The following CNTN4 variants were observed in gnomAD, a reference collection of about 807,000 sequenced individuals.
CNTN4 encodes the protein contactin 4.
Under a neutral mutation model 122.5 loss-of-function variants are expected in CNTN4, and 77 were observed. The ratio of observed to expected loss-of-function variants is 0.63; its 90% CI spans 0.52 to 0.76. The LOEUF (loss-of-function observed/expected upper bound fraction) is 0.76, where lower values mean the gene tolerates loss of function less well. CNTN4 is among the 30% of genes least tolerant of loss of function. The pLI, the probability that CNTN4 is intolerant of heterozygous loss-of-function variation, is 0.00. For synonymous variants in CNTN4, 512 were observed against 447.0 expected (o/e 1.15, Z -1.83); for missense variants, 1,256 against 1,259.1 (o/e 1.00, Z 0.04).
chr3:2,797,054 G>T (rs2092208388), intron 6 of CNTN4, among the ~76,000 whole-genome samples: 1 of 152,146 alleles, frequency 6.6e-6, no homozygotes, highest in Admixed American at 6.5e-5. Flanking sequence ...AGGCTAGAGG[G>T]CAGGGGCATG....
intron 3 of CNTN4, among the ~76,000 whole-genome samples, chr3:2,551,462 G>A (rs944876029): frequency 1.1e-4 from 16 of 152,000 alleles, no homozygotes; most frequent in African/African-American, 1.4e-4. Context: ...GATCAAGACC[G>A]TTTGTGATGG....
chr3:2,106,048 T>G (rs575451938), intron 2 of CNTN4, among the ~76,000 whole-genome samples: 1 of 152,232 alleles, frequency 6.6e-6, no homozygotes, highest in Non-Finnish European at 1.5e-5. Context: ...CGAAATCATC[T>G]TCTTTAACTC....
At chr3:2,567,842 C>A (rs1366178127) in intron 3 of CNTN4, among the ~76,000 whole-genome samples, 1 of 152,112 alleles carries the variant, frequency 6.6e-6, no homozygotes, top group Non-Finnish European at 1.5e-5. Context: ...GAGGAGCTTT[C>A]TTGAAACTCC....
chr3:2,890,996 C>T (rs2094032954), intron 10 of CNTN4, among the ~76,000 whole-genome samples: 1 of 124,100 alleles, frequency 8.1e-6, no homozygotes, highest in South Asian at 2.5e-4. Context: ...ACTTGTTTAA[C>T]AAATTTTTTT....
At chr3:2,345,503 C>T (rs560406810) in intron 3 of CNTN4, among the ~76,000 whole-genome samples, 3 of 152,088 alleles carry the variant, frequency 2.0e-5, no homozygotes. Flanking sequence ...AAGGATTATG[C>T]TATGTTGAAT....
intron 4 of CNTN4, among the ~76,000 whole-genome samples, chr3:2,678,697 A>G (rs927868439): frequency 1.3e-5 from 2 of 152,208 alleles, no homozygotes; most frequent in Non-Finnish European, 2.9e-5. Context: ...AGAATGAAGT[A>G]AAATAGCTCC....
chr3:2,142,499 G>C (rs138798951), intron 2 of CNTN4, among the ~76,000 whole-genome samples: 65 of 152,166 alleles, frequency 4.3e-4, no homozygotes, highest in African/African-American at 1.5e-3. Flanking sequence ...CAATAGCTGG[G>C]ATTACAGGTG....
At chr3:3,042,483 C>A in intron 21 of CNTN4, 61 bp downstream of exon 21, 1 of 1,076,096 alleles carries the variant, frequency 9.3e-7, no homozygotes, top group Non-Finnish European at 1.4e-6. Context: ...ATAAGTCCTC[C>A]AAGTCACATT....
intron 3 of CNTN4, among the ~76,000 whole-genome samples, chr3:2,429,871 AC>A (rs1444096956): frequency 6.6e-6 from 1 of 152,010 alleles, no homozygotes; most frequent in African/African-American, 2.4e-5. Context: ...TGGGCATGGG[AC>A]CCTCCAAGCC....
intron 6 of CNTN4, among the ~76,000 whole-genome samples, chr3:2,803,298 A>G (rs1024598775): frequency 6.6e-6 from 1 of 152,226 alleles, no homozygotes; most frequent in African/African-American, 2.4e-5. Flanking sequence ...AACAACAGGA[A>G]TTCTCATTTA....
chr3:2,268,374 T>C (rs141406563), intron 2 of CNTN4, among the ~76,000 whole-genome samples: 1 of 152,188 alleles, frequency 6.6e-6, no homozygotes, highest in Admixed American at 6.6e-5. Flanking sequence ...TGCGTGTGAC[T>C]TCTCAGGAAT....
chr3:2,192,315 A>G (rs189853420), intron 2 of CNTN4, among the ~76,000 whole-genome samples: 12,814 of 152,130 alleles, frequency 0.084, 738 homozygotes, highest in Non-Finnish European at 0.13. Flanking sequence ...ACTGTCTTCC[A>G]CAATGGTTGA....
intron 4 of CNTN4, among the ~76,000 whole-genome samples, chr3:2,622,573 G>T (rs1387756596): frequency 2.6e-5 from 4 of 152,188 alleles, no homozygotes; most frequent in Non-Finnish European, 5.9e-5. Flanking sequence ...ACCACGCTCA[G>T]CTGGACAAGC....
chr3:2,936,630 T>C (rs1218660251), intron 13 of CNTN4, among the ~76,000 whole-genome samples: 4 of 152,168 alleles, frequency 2.6e-5, no homozygotes, highest in South Asian at 2.1e-4. Context: ...TTTCTTCAAA[T>C]GGCTTCTTCT....
intron 5 of CNTN4, 80 bp from the exon 6 acceptor site, chr3:2,745,442 T>G (rs2089700164): frequency 8.6e-7 from 1 of 1,156,818 alleles, no homozygotes; most frequent in Admixed American, 1.8e-5. Context: ...ATGCTATTTA[T>G]AGTTTTTATA....
chr3:2,685,129 G>A (rs898836406), intron 4 of CNTN4, among the ~76,000 whole-genome samples: 1 of 152,034 alleles, frequency 6.6e-6, no homozygotes, highest in Non-Finnish European at 1.5e-5. Context: ...GTCTACATTA[G>A]CTACCATCTG....
chr3:2,722,988 A>C (rs2087959238), intron 4 of CNTN4, among the ~76,000 whole-genome samples: 2 of 152,180 alleles, frequency 1.3e-5, no homozygotes, highest in Admixed American at 1.3e-4. Flanking sequence ...CTGTCTATTG[A>C]AGGGAAATGG....
chr3:2,179,085 C>T (rs1028396808), intron 2 of CNTN4, among the ~76,000 whole-genome samples: 3 of 152,102 alleles, frequency 2.0e-5, no homozygotes, highest in Non-Finnish European at 2.9e-5. Flanking sequence ...TGATCATTTG[C>T]AATTATAAAT....
chr3:2,947,374 C>A (rs2094689928), intron 13 of CNTN4, among the ~76,000 whole-genome samples: 1 of 152,188 alleles, frequency 6.6e-6, no homozygotes, highest in South Asian at 2.1e-4. Flanking sequence ...GACCTGCTTA[C>A]CTCCTATAGG....
Sources: gnomAD v4.1 joint callset for allele counts (sites outside exome capture counted in the v4.1 genomes callset) on GRCh38, gnomAD v4.1.1 for gene constraint, MANE v1.5 for transcripts, NCBI Gene and HGNC (gene_info 2026-07-23, HGNC 2026-07-21) for gene names.